Variants in PTPRT observed in about 807,000 individuals in gnomAD.
The protein encoded by PTPRT is protein tyrosine phosphatase receptor type T.
Under a neutral mutation model 176.8 loss-of-function variants are expected in PTPRT, and 56 were observed. The observed-to-expected ratio is 0.32, with a 90% confidence interval of 0.26 to 0.40. The LOEUF (loss-of-function observed/expected upper bound fraction) is 0.40, where lower values mean the gene tolerates loss of function less well. PTPRT is among the 10% of genes least tolerant of loss of function. The pLI, the probability that PTPRT is intolerant of heterozygous loss-of-function variation, is 1.00. For missense variants in PTPRT, 1,540 were observed against 1,908.2 expected (o/e 0.81, Z 3.60); for synonymous variants, 783 against 739.0 (o/e 1.06, Z -0.96).
intron 7 of PTPRT, among the ~76,000 whole-genome samples, chr20:42,579,715 A>C (rs1490069449): frequency 1.3e-5 from 2 of 152,164 alleles, no homozygotes; most frequent in African/African-American, 2.4e-5. Context: ...TCTTTTAAGA[A>C]GTGTCTGTTC....
intron 1 of PTPRT, among the ~76,000 whole-genome samples, chr20:43,024,223 G>C (rs1985821747): frequency 6.6e-6 from 1 of 152,172 alleles, no homozygotes; most frequent in African/African-American, 2.4e-5. Flanking sequence ...ACCTTATAGG[G>C]TTGTTGTGAG....
chr20:42,193,502 G>C (rs931500725), intron 16 of PTPRT, among the ~76,000 whole-genome samples: 1 of 152,228 alleles, frequency 6.6e-6, no homozygotes, highest in Non-Finnish European at 1.5e-5. Flanking sequence ...TGATTTAGGA[G>C]TCAGAGAGCC....
At chr20:42,454,167 C>G (rs2070881232) in intron 8 of PTPRT, among the ~76,000 whole-genome samples, 1 of 152,054 alleles carries the variant, frequency 6.6e-6, no homozygotes, top group African/African-American at 2.4e-5. Flanking sequence ...TCAGATTCAT[C>G]TATTTTGATG....
chr20:42,979,749 C>T (rs568240548), intron 1 of PTPRT, among the ~76,000 whole-genome samples: 6 of 152,104 alleles, frequency 3.9e-5, no homozygotes, highest in African/African-American at 1.4e-4. Context: ...TTATGGGAAC[C>T]CTAAAGCTGT....
intron 8 of PTPRT, among the ~76,000 whole-genome samples, chr20:42,459,727 G>T (rs985519278): frequency 6.6e-6 from 1 of 152,110 alleles, no homozygotes; most frequent in African/African-American, 2.4e-5. Flanking sequence ...GTCTTGCTCT[G>T]TCACCCAGCC....
At chr20:42,152,220 T>C (rs983274228) in intron 17 of PTPRT, among the ~76,000 whole-genome samples, 3 of 152,260 alleles carry the variant, frequency 2.0e-5, no homozygotes, top group Admixed American at 1.3e-4. Flanking sequence ...GAGTTAGTGG[T>C]GGCCTTGGCA....
chr20:42,481,026 CTT>C (rs113393465), intron 7 of PTPRT, among the ~76,000 whole-genome samples: 18 of 143,298 alleles, frequency 1.3e-4, no homozygotes, highest in Admixed American at 3.5e-4. Context: ...AGTAGGTGAG[CTT>C]TTTTTTTTTT....
chr20:42,423,142 C>T (rs1297709849), intron 9 of PTPRT, among the ~76,000 whole-genome samples: 1 of 131,424 alleles, frequency 7.6e-6, no homozygotes, highest in Non-Finnish European at 1.6e-5. Flanking sequence ...AATTAGCTCC[C>T]ATGAAAACCT....
intron 8 of PTPRT, among the ~76,000 whole-genome samples, chr20:42,455,445 C>A (rs1056670382): frequency 2.0e-5 from 3 of 152,136 alleles, no homozygotes; most frequent in Non-Finnish European, 4.4e-5. Context: ...AAACTACTTC[C>A]ATTTGTATCC....
intron 12 of PTPRT, among the ~76,000 whole-genome samples, chr20:42,298,366 G>A (rs1313973469): frequency 6.6e-6 from 1 of 152,156 alleles, no homozygotes; most frequent in East Asian, 1.9e-4. Flanking sequence ...AGGCAGTGAG[G>A]AAACAGTCAT....
At chr20:42,740,629 A>G (rs747364319) in intron 6 of PTPRT, among the ~76,000 whole-genome samples, 1 of 152,230 alleles carries the variant, frequency 6.6e-6, no homozygotes, top group Non-Finnish European at 1.5e-5. Context: ...GATGCAAAAG[A>G]AAGGCAGGGA....
intron 1 of PTPRT, among the ~76,000 whole-genome samples, chr20:43,178,505 GA>G (rs2015173575): frequency 1.3e-5 from 2 of 152,192 alleles, no homozygotes; most frequent in African/African-American, 4.8e-5. Context: ...ATGGTAAATG[GA>G]CAATCTTAGG....
intron 7 of PTPRT, among the ~76,000 whole-genome samples, chr20:42,648,912 G>A (rs1462113714): frequency 5.4e-5 from 8 of 147,204 alleles, no homozygotes; most frequent in Non-Finnish European, 8.9e-5. Context: ...TCTGCCTCCC[G>A]GGTTCATGCC....
At chr20:42,800,500 T>TG (rs2077515106) in intron 2 of PTPRT, among the ~76,000 whole-genome samples, 1 of 152,218 alleles carries the variant, frequency 6.6e-6, no homozygotes, top group Admixed American at 6.5e-5. Context: ...TGACATTCAT[T>TG]GGGCTGAGTC....
At chr20:42,459,322 C>G (rs766880376) in intron 8 of PTPRT, among the ~76,000 whole-genome samples, 1 of 152,196 alleles carries the variant, frequency 6.6e-6, no homozygotes, top group Non-Finnish European at 1.5e-5. Context: ...ATGTGAGCTA[C>G]CGTGAAACTT....
chr20:42,123,500 T>A (rs115117956), intron 19 of PTPRT, among the ~76,000 whole-genome samples: 1 of 152,198 alleles, frequency 6.6e-6, no homozygotes, highest in African/African-American at 2.4e-5. Context: ...CCCATGGGAA[T>A]TGAACAGCCA....
At chr20:42,626,074 T>G (rs932917609) in intron 7 of PTPRT, among the ~76,000 whole-genome samples, 1 of 152,074 alleles carries the variant, frequency 6.6e-6, no homozygotes, top group Non-Finnish European at 1.5e-5. Context: ...AGCATGAGAC[T>G]AACTATCGAG....
intron 9 of PTPRT, among the ~76,000 whole-genome samples, chr20:42,389,892 A>T (rs1195818970): frequency 6.6e-6 from 1 of 150,778 alleles, no homozygotes; most frequent in East Asian, 1.9e-4. Flanking sequence ...TGAGGCTGCC[A>T]GTTTAACTCT....
At chr20:42,704,075 G>A (rs565902707) in intron 6 of PTPRT, among the ~76,000 whole-genome samples, 1 of 152,178 alleles carries the variant, frequency 6.6e-6, no homozygotes, top group African/African-American at 2.4e-5. Flanking sequence ...AGGTCACTGT[G>A]CAAATCGCAA....
Sources: allele counts gnomAD v4.1 joint callset (sites outside exome capture counted in the v4.1 genomes callset), GRCh38; gene constraint gnomAD v4.1.1; transcripts MANE v1.5; gene names NCBI Gene and HGNC (gene_info 2026-07-23, HGNC 2026-07-21).